The following LRFN2 variants were observed in gnomAD, a reference collection of about 807,000 sequenced individuals.
LRFN2 encodes leucine-rich repeat and fibronectin type-III domain-containing protein 2.
Under a neutral mutation model 37.3 loss-of-function variants are expected in LRFN2, and 18 were observed. The observed-to-expected ratio is 0.48, with a 90% confidence interval of 0.33 to 0.72. The LOEUF (loss-of-function observed/expected upper bound fraction) is 0.72. LRFN2 is among the 30% of genes least tolerant of loss of function. LRFN2 has a pLI of 0.02. For missense variants in LRFN2, 1,006 were observed against 1,060.7 expected, an observed-to-expected ratio of 0.95 and a Z score of 0.72; for synonymous variants, 556 against 466.6, an observed-to-expected ratio of 1.19 and a Z score of -2.47.
At chr6:40,420,263 G>A (rs1763192639) in intron 2 of LRFN2, among the ~76,000 whole-genome samples, 1 of 152,250 alleles carries the variant, frequency 6.6e-6, no homozygotes. Flanking sequence ...CATTCTTCCT[G>A]CCCCACCTCT....
At chr6:40,409,147 A>G (rs1368542294) in intron 2 of LRFN2, among the ~76,000 whole-genome samples, 1 of 152,216 alleles carries the variant, frequency 6.6e-6, no homozygotes, top group Non-Finnish European at 1.5e-5. Flanking sequence ...ACCCTTAATA[A>G]AGCAAATCTG....
intron 1 of LRFN2, among the ~76,000 whole-genome samples, chr6:40,566,491 C>T (rs1767092823): frequency 6.6e-6 from 1 of 152,080 alleles, no homozygotes. Context: ...ACCCAAATGT[C>T]CAACAATGAT....
chr6:40,541,422 G>A (rs1766553234), intron 1 of LRFN2, among the ~76,000 whole-genome samples: 1 of 152,168 alleles, frequency 6.6e-6, no homozygotes, highest in Non-Finnish European at 1.5e-5. Flanking sequence ...TGTGTTCCCT[G>A]GGCCACAGCT....
At chr6:40,467,207 A>ATG (rs762389667) in intron 1 of LRFN2, among the ~76,000 whole-genome samples, 4,582 of 74,026 alleles carry the variant, frequency 0.062, 264 homozygotes, top group African/African-American at 0.16. Flanking sequence ...GATGATGATG[A>ATG]TGTGTGTGTG....
At chr6:40,422,179 T>G (rs2113815113) in intron 2 of LRFN2, among the ~76,000 whole-genome samples, 1 of 152,290 alleles carries the variant, frequency 6.6e-6, no homozygotes, top group South Asian at 2.1e-4. Context: ...GAAAAGATTT[T>G]TTCTTCCAAT....
At chr6:40,453,177 T>A (rs1764153151) in intron 1 of LRFN2, among the ~76,000 whole-genome samples, 1 of 152,134 alleles carries the variant, frequency 6.6e-6, no homozygotes, top group African/African-American at 2.4e-5. Context: ...TTGTGTACCC[T>A]GCAGGGAACT....
At chr6:40,577,745 C>T (rs2113798290) in intron 1 of LRFN2, among the ~76,000 whole-genome samples, 1 of 145,376 alleles carries the variant, frequency 6.9e-6, no homozygotes, top group Non-Finnish European at 1.5e-5. Context: ...CAACAATGTG[C>T]ACATGTACCC....
At chr6:40,544,293 C>T (rs1420836003) in intron 1 of LRFN2, among the ~76,000 whole-genome samples, 1 of 152,196 alleles carries the variant, frequency 6.6e-6, no homozygotes, top group South Asian at 2.1e-4. Flanking sequence ...ATGAAAGTCC[C>T]ACCTGACGCT....
Position 40,419,238 on chromosome 6 carries a change from A to G in LRFN2, c.1400+12476T>C, listed in dbSNP as rs560753971. ...CCTTTCATGGATTGATGCTGAGCGCAGTTCATTCCCTGCACCTTGCCTTTG... is the reference window on the plus strand; with the variant it reads ...CCTTTCATGGATTGATGCTGAGCGCGGTTCATTCCCTGCACCTTGCCTTTG... On this transcript the variant is annotated intron_variant, in intron 2 of 2. Transcript: ENST00000338305. 1.3e-5 allele frequency among the ~76,000 whole-genome samples: 2 copies of G among 152,348 alleles called. 1 individual carries two copies. The highest frequency in any genetic ancestry group is 1.3e-4 in the Admixed American group (2 of 15,302).
In LRFN2 at chr6:40,392,130, T is replaced by C; in HGVS notation, c.2183A>G (p.Asp728Gly). The C allele has an allele frequency of 6.2e-7, 1 of 1,611,972 alleles. No homozygotes were observed. Among genetic ancestry groups the C allele is most frequent in the African/African-American group, 1.3e-5 (1 of 74,948 alleles). Residue 728 changes from aspartate (D) to glycine (G), a missense_variant, in exon 3 of 3, where the codon GAC (aspartate) becomes GGC (glycine). Asp to Gly is a moderately conservative substitution (Grantham distance 94). Transcript: ENST00000338305. This position sits in a 1 kb window ranked among gnomAD's most constrained non-coding sequence, Gnocchi z 4.7. ...CCCTCCCGCCGCCGCAGCAGCAAAG[T>C]CCCCCATGTCGAAGGAGTGGCTGCG... ...AKRSHSFDMG[D>G]FAAAAAGGVV...
intron 1 of LRFN2, among the ~76,000 whole-genome samples, chr6:40,538,865 T>A (rs537023286): frequency 6.6e-6 from 1 of 152,392 alleles, no homozygotes; most frequent in South Asian, 2.1e-4. Context: ...CAGAAATGTT[T>A]GCATTAATTT....
intron 1 of LRFN2, among the ~76,000 whole-genome samples, chr6:40,561,986 G>T (rs1767003234): frequency 1.3e-5 from 2 of 152,288 alleles, no homozygotes; most frequent in South Asian, 4.1e-4. Flanking sequence ...CCAGTGTCTG[G>T]CTCATAGCAG....
Position 40,432,442 on chromosome 6 carries a change from C to G in LRFN2, c.672G>C (p.Ser224=). Residue 224 remains serine, a synonymous_variant, in exon 2 of 3, where the codon TCG becomes TCC. Coordinates refer to ENST00000338305, the MANE Select transcript of LRFN2 (RefSeq NM_020737.3). ...GGGCAAAGGGTGTGGCTGTCAAAGC[C>G]GAAGCCTGGGAGCGGGCAAAGATGG... ...PDPIFARSQA[S]ALTATPFAPP... 2 of 1,614,154 alleles carry G rather than the reference C, an allele frequency of 1.2e-6. No homozygotes were observed. Among genetic ancestry groups the G allele is most frequent in the African/African-American group, 1.3e-5 (1 of 75,046 alleles).
chr6:40,411,013 G>T lies in LRFN2; in HGVS notation c.1401-18101C>A, dbSNP rs996992180. Among the ~76,000 whole-genome samples the T allele has an allele frequency of 3.9e-5, 6 of 152,368 alleles. No individual in the cohort carries two copies. In the South Asian group the frequency reaches 6.2e-4, roughly 16 times the overall value. On this transcript the variant is annotated intron_variant, in intron 2 of 2. Coordinates refer to ENST00000338305, the MANE Select transcript of LRFN2 (RefSeq NM_020737.3). Reference sequence around the variant, plus strand: ...AACAGAGCCATTAATTGCACACCAGGGTCCCTGGAGGATGGCCATATGGGC... The same window carrying T: ...AACAGAGCCATTAATTGCACACCAGTGTCCCTGGAGGATGGCCATATGGGC...
At chr6:40,458,997 T>G (rs1179716726) in intron 1 of LRFN2, among the ~76,000 whole-genome samples, 1 of 152,254 alleles carries the variant, frequency 6.6e-6, no homozygotes, top group Non-Finnish European at 1.5e-5. Flanking sequence ...CTTTACCTTA[T>G]CCTAACTGAT....
chr6:40,423,043 C>T (rs1378911723), intron 2 of LRFN2, among the ~76,000 whole-genome samples: 1 of 152,174 alleles, frequency 6.6e-6, no homozygotes. Flanking sequence ...AGTGGTGTCA[C>T]CTTCTTGAGG....
chr6:40,547,594 C>A (rs1766690314), intron 1 of LRFN2, among the ~76,000 whole-genome samples: 1 of 152,150 alleles, frequency 6.6e-6, no homozygotes, highest in Non-Finnish European at 1.5e-5. Flanking sequence ...CTGGTCAGTG[C>A]AGCCCCCACC....
chr6:40,468,600 T>G (rs375482811), intron 1 of LRFN2, among the ~76,000 whole-genome samples: 7 of 152,172 alleles, frequency 4.6e-5, no homozygotes, highest in South Asian at 2.1e-4. Flanking sequence ...GTAGTGAGAT[T>G]AAACCAGATC....
intron 1 of LRFN2, among the ~76,000 whole-genome samples, chr6:40,471,430 G>T (rs1232432823): frequency 6.6e-6 from 1 of 152,162 alleles, no homozygotes; most frequent in Non-Finnish European, 1.5e-5. Flanking sequence ...TCTGCAAAGT[G>T]TCACACCGAC....
Sources: gnomAD v4.1 joint callset for allele counts (sites outside exome capture counted in the v4.1 genomes callset) on GRCh38, gnomAD v4.1.1 for gene constraint, Gnocchi (gnomAD v3.1) non-coding constraint, MANE v1.5 for transcripts, NCBI Gene and HGNC (gene_info 2026-07-23, HGNC 2026-07-21) for gene names.